LCA5L: variants seen among roughly 807,000 people sequenced by gnomAD.
LCA5L encodes the protein lebercilin LCA5 like, also known as lebercilin-like protein.
In LCA5L, 35 loss-of-function variants were observed where a neutral mutation model predicts 45.4. The ratio of observed to expected loss-of-function variants is 0.77; its 90% CI spans 0.59 to 1.02. The LOEUF is 1.02. LCA5L is among the 50% of genes least tolerant of loss of function. LCA5L has a pLI of 0.00. For missense variants in LCA5L, 668 were observed against 761.6 expected (o/e 0.88, Z 1.45); for synonymous variants, 233 against 264.7 (o/e 0.88, Z 1.16).
chr21:39,426,660 G>A (rs761441471), intron 5 of LCA5L, among the ~76,000 whole-genome samples: 1 of 152,210 alleles, frequency 6.6e-6, no homozygotes, highest in Non-Finnish European at 1.5e-5. Flanking sequence ...GTTCAAATAA[G>A]GTTTTTGTTG....
Position 39,425,964 on chromosome 21 carries a change from A to G in LCA5L, c.322+2208T>C, listed in dbSNP as rs148282280. 1.1e-3 allele frequency: 163 copies of G among 152,636 alleles called. 1 individual carries two copies. The highest frequency in any genetic ancestry group is 2.1e-3 in the Non-Finnish European group (145 of 68,226). The allele number at this position is 152,636 out of a possible 1,614,324, so 9.5% of individuals were successfully genotyped here. A position where few individuals can be genotyped will look rare whatever the true frequency, so the allele number is the denominator to read the frequency against. ...AGGCCCCAGGAGTCAAGAAGTGCAC[A>G]GAGGGCATGGATGCGTTGGAAAGGG... On this transcript the variant is annotated intron_variant, in intron 5 of 10. Transcript: ENST00000288350.
chr21:39,416,324 A>G (rs188175638), intron 7 of LCA5L, among the ~76,000 whole-genome samples: 50 of 152,346 alleles, frequency 3.3e-4, no homozygotes, highest in Admixed American at 1.1e-3. Flanking sequence ...TAACCTGGGC[A>G]GTTATCTTTA....
intron 5 of LCA5L, among the ~76,000 whole-genome samples, chr21:39,424,500 C>G (rs1287816996): frequency 6.6e-6 from 1 of 152,136 alleles, no homozygotes; most frequent in Non-Finnish European, 1.5e-5. Flanking sequence ...CAAACCAACC[C>G]CATGACAATA....
chr21:39,412,727 A>AAGTCTCAG (rs1400632772), intron 7 of LCA5L, among the ~76,000 whole-genome samples: 3 of 152,184 alleles, frequency 2.0e-5, no homozygotes, highest in Non-Finnish European at 4.4e-5. Context: ...AGGTTTGGGA[A>AAGTCTCAG]AGTCTCAGTG....
At position 39,419,523 on chromosome 21, in the gene LCA5L, C is replaced by CAA. The variant is rs5843964; in HGVS notation, c.975+1181_975+1182dup. Reference sequence around the variant, plus strand: ...CTGGGCAACAGAGCAAGACCCTGTTCAAAAAAAAAAAAGAAAAAAGAAAAA... The same window carrying CAA: ...CTGGGCAACAGAGCAAGACCCTGTTCAAAAAAAAAAAAAAGAAAAAAGAAAAA... On this transcript the variant is annotated intron_variant, in intron 7 of 10. Transcript: ENST00000288350. Among the ~76,000 whole-genome samples, 470 of 123,464 alleles carry CAA rather than the reference C, an allele frequency of 3.8e-3. 7 individuals are homozygous for CAA. Among genetic ancestry groups the CAA allele is most frequent in the African/African-American group, 9.8e-3 (275 of 28,082 alleles). The allele number at this position is 123,464 out of a possible 152,430, so 81.0% of individuals were successfully genotyped here. A position where few individuals can be genotyped will look rare whatever the true frequency, so the allele number is the denominator to read the frequency against.
At chr21:39,419,017 G>GA (rs1257011880) in intron 7 of LCA5L, among the ~76,000 whole-genome samples, 1 of 151,982 alleles carries the variant, frequency 6.6e-6, no homozygotes. Flanking sequence ...GAACTCCACA[G>GA]AAAAAAGGAA....
intron 7 of LCA5L, among the ~76,000 whole-genome samples, chr21:39,417,736 G>C (rs1481713810): frequency 6.6e-6 from 1 of 151,814 alleles, no homozygotes; most frequent in Non-Finnish European, 1.5e-5. Flanking sequence ...GTGCAGGGGA[G>C]CTTCTTTTTA....
chr21:39,423,513 T>C, intron 5 of LCA5L, 23 bp from the exon 6 acceptor site: 1 of 1,520,598 alleles, frequency 6.6e-7, no homozygotes, highest in East Asian at 2.3e-5. Context: ...AAAATCCAGT[T>C]TATTACTAGT....
chr21:39,423,581 G>T, intron 5 of LCA5L, 91 bp from the exon 6 acceptor site: 1 of 1,109,590 alleles, frequency 9.0e-7, no homozygotes, highest in Non-Finnish European at 1.3e-6. Flanking sequence ...ATGCCCCCAT[G>T]CACACACACC....
intron 7 of LCA5L, among the ~76,000 whole-genome samples, chr21:39,416,125 C>G (rs534366051): frequency 6.6e-6 from 1 of 152,156 alleles, no homozygotes; most frequent in Non-Finnish European, 1.5e-5. Flanking sequence ...GATCTTACCC[C>G]CTCACAAACG....
intron 2 of LCA5L, chr21:39,436,196 G>A (rs188178785): frequency 9.2e-5 from 14 of 152,224 alleles, no homozygotes; most frequent in African/African-American, 3.1e-4. Flanking sequence ...ACAAAAAGAC[G>A]ACCCTCTTGG....
Position 39,423,312 on chromosome 21 carries a change from G to A in LCA5L, c.501C>T (p.Ala167=). ...ELADMHHKLE[A]ILTENQFLKQ... ...TCAAAAATTGGTTTTCTGTAAGGATGGCTTCCAATTTATGATGCATATCAG... is the reference window on the plus strand; with the variant it reads ...TCAAAAATTGGTTTTCTGTAAGGATAGCTTCCAATTTATGATGCATATCAG... The change falls in exon 6 of 11, where the codon GCC becomes GCT. Residue 167 remains alanine, a synonymous_variant. Transcript: ENST00000288350. The A allele has an allele frequency of 6.2e-7, 1 of 1,611,188 alleles. No individual in the cohort carries two copies. The highest frequency in any genetic ancestry group is 8.5e-7 in the Non-Finnish European group (1 of 1,179,272).
At chr21:39,423,587 A>G (rs1030054224) in intron 5 of LCA5L, 97 bp from the exon 6 acceptor site, 2 of 991,394 alleles carry the variant, frequency 2.0e-6, no homozygotes, top group African/African-American at 3.3e-5. Context: ...CCATGCACAC[A>G]CACCACACAC....
At chr21:39,443,502 G>T (rs1018532256) in intron 2 of LCA5L, 1 of 152,254 alleles carries the variant, frequency 6.6e-6, no homozygotes, top group Non-Finnish European at 1.5e-5. Flanking sequence ...TATAAGTAAG[G>T]CTTGCAGTTT....
Position 39,411,745 on chromosome 21 carries a change from A to C in LCA5L, c.1033T>G (p.Leu345Val). The change falls in exon 8 of 11, where the codon TTA (leucine) becomes GTA (valine). Residue 345 changes from leucine to valine, a missense_variant. By Grantham distance (32) the Leu-to-Val change is conservative. Coordinates refer to ENST00000288350, the MANE Select transcript of LCA5L (RefSeq NM_152505.4). Reference protein sequence around the residue: ...NIYSHRILKNLHDTEDYPKVS... With the variant: ...NIYSHRILKNVHDTEDYPKVS... ...TTTGGATAGTCCTCTGTGTCATGTAAATTTTTAAGTATTCGATGACTATAG... is the reference window on the plus strand; with the variant it reads ...TTTGGATAGTCCTCTGTGTCATGTACATTTTTAAGTATTCGATGACTATAG... The C allele has an allele frequency of 3.2e-6, 5 of 1,577,146 alleles. No homozygotes were observed. Among genetic ancestry groups the C allele is most frequent in the East Asian group, 2.2e-5 (1 of 44,578 alleles).
At chr21:39,433,371 T>C (rs922021825) in intron 3 of LCA5L, among the ~76,000 whole-genome samples, 2 of 148,058 alleles carry the variant, frequency 1.4e-5, no homozygotes, top group African/African-American at 5.1e-5. Flanking sequence ...TGAGCTGAGA[T>C]TGCGCCATTG....
At chr21:39,424,877 A>T (rs1472589966) in intron 5 of LCA5L, among the ~76,000 whole-genome samples, 4 of 152,246 alleles carry the variant, frequency 2.6e-5, no homozygotes, top group Non-Finnish European at 5.9e-5. Context: ...AGTATGTTAA[A>T]TACATTTGTA....
rs781660376 is a variant in LCA5L, at chr21:39,423,309, G to A, written c.504C>T (p.Ile168=). 6.2e-7 allele frequency: 1 copy of A among 1,611,140 alleles called. No individual in the cohort carries two copies. Among genetic ancestry groups the A allele is most frequent in the Non-Finnish European group, 8.5e-7 (1 of 1,179,240 alleles). The part of the protein sequence containing the change: ...LADMHHKLEA[I]LTENQFLKQL... ...GTTTCAAAAATTGGTTTTCTGTAAG[G>A]ATGGCTTCCAATTTATGATGCATAT... The change falls in exon 6 of 11, where the codon ATC becomes ATT. Residue 168 remains isoleucine, a synonymous_variant. Coordinates refer to ENST00000288350, the MANE Select transcript of LCA5L (RefSeq NM_152505.4).
chr21:39,428,603 T>G (rs1473292065), intron 4 of LCA5L, 100 bp from the exon 5 acceptor site: 1 of 61,218 alleles, frequency 1.6e-5, no homozygotes, highest in Non-Finnish European at 3.1e-5. Flanking sequence ...TATATATTTT[T>G]TTTTTTTTTT....
Sources: gnomAD v4.1 joint callset for allele counts (sites outside exome capture counted in the v4.1 genomes callset) on GRCh38, gnomAD v4.1.1 for gene constraint, MANE v1.5 for transcripts, NCBI Gene and HGNC (gene_info 2026-07-23, HGNC 2026-07-21) for gene names.